Variants in ODAD2 observed in about 807,000 individuals in gnomAD.
ODAD2 encodes the protein outer dynein arm-docking complex subunit 2.
Under a neutral mutation model 106.8 loss-of-function variants are expected in ODAD2, and 89 were observed. The observed-to-expected ratio is 0.83, with a 90% CI of 0.70 to 0.99. The LOEUF (loss-of-function observed/expected upper bound fraction) is 0.99, where lower values mean the gene tolerates loss of function less well. Among genes scored for constraint, ODAD2 ranks in the 50% least tolerant of loss-of-function variants. The pLI is 0.00. For synonymous variants in ODAD2, 404 were observed against 436.2 expected, an observed-to-expected ratio of 0.93 and a Z score of 0.92; for missense variants, 1,168 against 1,238.5, an observed-to-expected ratio of 0.94 and a Z score of 0.85.
intron 9 of ODAD2, among the ~76,000 whole-genome samples, chr10:27,967,545 A>G (rs1314473317): frequency 6.6e-6 from 1 of 151,814 alleles, no homozygotes; most frequent in Non-Finnish European, 1.5e-5. Context: ...CAGCCTGGAG[A>G]AGCAACACAT....
At chr10:27,960,472 G>A (rs868070956) in intron 10 of ODAD2, among the ~76,000 whole-genome samples, 3 of 151,358 alleles carry the variant, frequency 2.0e-5, no homozygotes, top group Non-Finnish European at 2.9e-5. Flanking sequence ...TCAGCATCCC[G>A]AGTAGCTGGG....
chr10:27,853,806 A>G (rs1839462150), intron 19 of ODAD2, among the ~76,000 whole-genome samples: 1 of 152,234 alleles, frequency 6.6e-6, no homozygotes, highest in Admixed American at 6.5e-5. Context: ...ATAAAACTTC[A>G]GAAGAAAGCA....
chr10:27,937,477 T>C (rs545616743), intron 14 of ODAD2, among the ~76,000 whole-genome samples: 2 of 152,156 alleles, frequency 1.3e-5, no homozygotes, highest in East Asian at 1.9e-4. Context: ...CAAGTTTCTA[T>C]GCCCAGAGCA....
At chr10:27,935,434 C>T (rs936157972) in intron 15 of ODAD2, among the ~76,000 whole-genome samples, 182 bp from the exon 16 acceptor site, 1 of 152,122 alleles carries the variant, frequency 6.6e-6, no homozygotes, top group Non-Finnish European at 1.5e-5. Flanking sequence ...CCATCTGCTC[C>T]AGACCTGCAC....
At chr10:27,847,272 C>T (rs9733581) in intron 19 of ODAD2, among the ~76,000 whole-genome samples, 5,263 of 152,104 alleles carry the variant, frequency 0.035, 293 homozygotes, top group African/African-American at 0.12. Flanking sequence ...GTTCAACATA[C>T]GCAAATCAAT....
intron 17 of ODAD2, among the ~76,000 whole-genome samples, chr10:27,882,260 C>T (rs540912682): frequency 1.3e-5 from 2 of 150,758 alleles, no homozygotes; most frequent in East Asian, 3.9e-4. Flanking sequence ...ATCTCATTCT[C>T]AATAAGATTT....
intron 12 of ODAD2, among the ~76,000 whole-genome samples, chr10:27,943,038 G>C (rs11599349): frequency 0.38 from 57,299 of 152,106 alleles, 12,162 homozygotes; most frequent in Middle Eastern, 0.59. Context: ...TAAGTGCTGT[G>C]AAAGACACTA....
intron 19 of ODAD2, among the ~76,000 whole-genome samples, chr10:27,845,016 C>G (rs566618085): frequency 2.0e-5 from 3 of 152,272 alleles, no homozygotes; most frequent in Non-Finnish European, 4.4e-5. Flanking sequence ...TAGAAGTCAG[C>G]TGAATCAGCA....
At chr10:27,858,326 A>T (rs1839801595) in intron 19 of ODAD2, among the ~76,000 whole-genome samples, 1 of 152,180 alleles carries the variant, frequency 6.6e-6, no homozygotes, top group South Asian at 2.1e-4. Flanking sequence ...GTCGAGAGAG[A>T]CAATCTCCAG....
chr10:27,852,306 G>A (rs2133234725), intron 19 of ODAD2, among the ~76,000 whole-genome samples: 1 of 152,246 alleles, frequency 6.6e-6, no homozygotes, highest in South Asian at 2.1e-4. Flanking sequence ...TTAAATCTCT[G>A]GGAAAGACAA....
At chr10:27,881,633 T>C (rs1053790705) in intron 17 of ODAD2, among the ~76,000 whole-genome samples, 1 of 151,656 alleles carries the variant, frequency 6.6e-6, no homozygotes, top group Admixed American at 6.6e-5. Flanking sequence ...CAAAATCCCG[T>C]CTCAAAAAAA....
intron 7 of ODAD2, among the ~76,000 whole-genome samples, chr10:27,971,565 A>C (rs1293009029): frequency 6.6e-6 from 1 of 152,156 alleles, no homozygotes; most frequent in Non-Finnish European, 1.5e-5. Flanking sequence ...GGACCTGCTC[A>C]TTCCTCACCA....
intron 17 of ODAD2, among the ~76,000 whole-genome samples, chr10:27,876,296 A>G (rs1841336466): frequency 6.6e-6 from 1 of 152,188 alleles, no homozygotes; most frequent in Non-Finnish European, 1.5e-5. Context: ...GGCACCCCCC[A>G]GTAGGGGCAG....
chr10:27,883,832 C>T, intron 17 of ODAD2, among the ~76,000 whole-genome samples: 1 of 151,934 alleles, frequency 6.6e-6, no homozygotes, highest in East Asian at 1.9e-4. Context: ...GCAGAAGAGA[C>T]ACTCAGTGAG....
At chr10:27,886,817 T>A (rs1169726826) in intron 17 of ODAD2, among the ~76,000 whole-genome samples, 1 of 151,972 alleles carries the variant, frequency 6.6e-6, no homozygotes, top group East Asian at 1.9e-4. Flanking sequence ...GAGAGATTGT[T>A]ATAACTTTAG....
intron 7 of ODAD2, 35 bp downstream of exon 7, chr10:27,981,431 T>C (rs778099942): frequency 6.2e-5 from 90 of 1,452,662 alleles, no homozygotes; most frequent in Admixed American, 1.7e-4. Flanking sequence ...AGTAACATAA[T>C]GCTATGAAAG....
intron 10 of ODAD2, among the ~76,000 whole-genome samples, chr10:27,948,380 C>G (rs1031323419): frequency 5.9e-5 from 9 of 152,100 alleles, no homozygotes; most frequent in African/African-American, 2.2e-4. Flanking sequence ...AGGACAGGAG[C>G]CAAAATATTC....
intron 17 of ODAD2, among the ~76,000 whole-genome samples, chr10:27,881,855 A>G (rs1841730259): frequency 6.6e-6 from 1 of 152,134 alleles, no homozygotes. Flanking sequence ...CATTATAATT[A>G]CTTGGGGTGA....
chr10:27,961,281 T>C lies in ODAD2; in HGVS notation c.1386+287A>G, dbSNP rs1298465844. Among the ~76,000 whole-genome samples, 3 of 152,150 alleles carry C rather than the reference T, an allele frequency of 2.0e-5. No individual in the cohort carries two copies. The East Asian group carries it at 5.8e-4, about 29-fold the overall frequency. The stretch of plus-strand genomic sequence containing the variant: ...AATCCATGTTATTTCTTCCATACCA[T>C]ACTACAAATCATAAAATGGCAGCAA... On this transcript the variant is annotated intron_variant, in intron 10 of 19. Coordinates refer to ENST00000305242, the MANE Select transcript of ODAD2 (RefSeq NM_018076.5).
Sources: gnomAD v4.1 joint callset for allele counts (sites outside exome capture counted in the v4.1 genomes callset) on GRCh38, gnomAD v4.1.1 for gene constraint, MANE v1.5 for transcripts, NCBI Gene and HGNC (gene_info 2026-07-23, HGNC 2026-07-21) for gene names.